Variants in SWT1 observed in about 807,000 individuals in gnomAD.
SWT1 encodes transcriptional protein SWT1.
In SWT1, 33 loss-of-function variants were observed where a neutral mutation model predicts 107.3. The observed-to-expected ratio is 0.31, with a 90% confidence interval of 0.23 to 0.41. The LOEUF (loss-of-function observed/expected upper bound fraction) is 0.41. Among genes scored for constraint, SWT1 ranks in the 10% least tolerant of loss-of-function variants. The pLI, the probability that SWT1 is intolerant of heterozygous loss-of-function variation, is 1.00. For synonymous variants in SWT1, 345 were observed against 348.3 expected, an observed-to-expected ratio of 0.99 and a Z score of 0.11; for missense variants, 898 against 1,028.9, an observed-to-expected ratio of 0.87 and a Z score of 1.74.
chr1:185,183,696 A>G (rs767417120), intron 7 of SWT1, among the ~76,000 whole-genome samples: 5 of 152,180 alleles, frequency 3.3e-5, no homozygotes, highest in Non-Finnish European at 5.9e-5. Context: ...GAAGTTAGAA[A>G]CATAATTACT....
chr1:185,233,207 A>G (rs1420325285), intron 16 of SWT1, among the ~76,000 whole-genome samples: 2 of 152,020 alleles, frequency 1.3e-5, no homozygotes, highest in Non-Finnish European at 2.9e-5. Context: ...GACTATAATC[A>G]CCTGGGAGTT....
chr1:185,274,778 A>G (rs1362289952), intron 17 of SWT1, among the ~76,000 whole-genome samples: 1 of 152,198 alleles, frequency 6.6e-6, no homozygotes, highest in Non-Finnish European at 1.5e-5. Flanking sequence ...GGAAATTAAA[A>G]TTGTTCATTT....
In SWT1 at chr1:185,214,718, G is replaced by A. The variant is rs550523724; in HGVS notation, c.2121+63G>A. On this transcript the variant is annotated intron_variant, in intron 14 of 18. Coordinates refer to ENST00000367500, the MANE Select transcript of SWT1 (RefSeq NM_017673.7). Reference sequence around the variant, plus strand: ...TATACATGTTCTGAAAATGTGTTTAGCAGACAACAGTAGGTAAAGGATAAT... The same window carrying A: ...TATACATGTTCTGAAAATGTGTTTAACAGACAACAGTAGGTAAAGGATAAT... 9.0e-6 allele frequency: 12 copies of A among 1,340,210 alleles called. No homozygotes were observed. In the East Asian group the frequency reaches 2.6e-4, roughly 29 times the overall value. 83.0% of individuals were successfully genotyped at this position (1,340,210 alleles called of 1,614,324 possible).
chr1:185,204,014 A>G (rs1658101993), intron 11 of SWT1, among the ~76,000 whole-genome samples: 1 of 152,208 alleles, frequency 6.6e-6, no homozygotes, highest in Non-Finnish European at 1.5e-5. Flanking sequence ...AGAAAATTAC[A>G]GTTGTTTTCA....
intron 9 of SWT1, among the ~76,000 whole-genome samples, chr1:185,188,642 T>C (rs1431554924): frequency 6.6e-6 from 1 of 152,206 alleles, no homozygotes; most frequent in Non-Finnish European, 1.5e-5. Context: ...CGTATATAAG[T>C]ATTTATTGCA....
At chr1:185,258,510 A>C (rs6690402) in intron 16 of SWT1, among the ~76,000 whole-genome samples, 3,566 of 152,122 alleles carry the variant, frequency 0.023, 124 homozygotes, top group African/African-American at 0.081. Flanking sequence ...TAGTTCTTTC[A>C]GTGAAGATCT....
At chr1:185,277,782 C>T (rs537503625) in intron 18 of SWT1, among the ~76,000 whole-genome samples, 1 of 152,026 alleles carries the variant, frequency 6.6e-6, no homozygotes, top group Non-Finnish European at 1.5e-5. Flanking sequence ...CTTTTATTCT[C>T]TCTCAAGGGA....
chr1:185,191,863 T>TA (rs1656978350), intron 10 of SWT1, among the ~76,000 whole-genome samples: 1 of 152,192 alleles, frequency 6.6e-6, no homozygotes, highest in South Asian at 2.1e-4. Flanking sequence ...GATTAACAGA[T>TA]ATACTATTTT....
intron 15 of SWT1, among the ~76,000 whole-genome samples, chr1:185,229,115 C>T (rs1287622824): frequency 6.6e-6 from 1 of 152,030 alleles, no homozygotes; most frequent in African/African-American, 2.4e-5. Context: ...ATTGCTTTGC[C>T]TTGTTGAGAG....
chr1:185,204,218 C>T (rs559089342), intron 11 of SWT1, among the ~76,000 whole-genome samples: 8 of 151,778 alleles, frequency 5.3e-5, no homozygotes, highest in Admixed American at 6.6e-5. Context: ...GCAGAGGTTT[C>T]AGTGAGCCAA....
chr1:185,256,177 T>A (rs1446833411), intron 16 of SWT1, among the ~76,000 whole-genome samples: 7 of 151,780 alleles, frequency 4.6e-5, no homozygotes, highest in Non-Finnish European at 7.4e-5. Context: ...CTTCCCTTTG[T>A]GGGTAACCCG....
chr1:185,232,467 A>G (rs1012751758), intron 16 of SWT1, among the ~76,000 whole-genome samples: 1 of 152,222 alleles, frequency 6.6e-6, no homozygotes, highest in Non-Finnish European at 1.5e-5. Flanking sequence ...ACTGGGGACC[A>G]AAGAGAAATA....
intron 16 of SWT1, among the ~76,000 whole-genome samples, chr1:185,266,834 T>G (rs1195387505): frequency 2.6e-5 from 4 of 152,226 alleles, no homozygotes; most frequent in Non-Finnish European, 4.4e-5. Flanking sequence ...GTCAGTTCTG[T>G]TAACCAACTT....
intron 5 of SWT1, among the ~76,000 whole-genome samples, chr1:185,177,528 G>A (rs1247173257): frequency 2.0e-5 from 3 of 152,112 alleles, no homozygotes; most frequent in Non-Finnish European, 4.4e-5. Context: ...CACAGAAACA[G>A]CAAGTAAATA....
At chr1:185,202,131 C>G (rs1174303005) in intron 10 of SWT1, among the ~76,000 whole-genome samples, 1 of 152,082 alleles carries the variant, frequency 6.6e-6, no homozygotes, top group Non-Finnish European at 1.5e-5. Flanking sequence ...CCTTGTCGTT[C>G]TCTATAACCT....
At chr1:185,238,612 A>G (rs1661056395) in intron 16 of SWT1, among the ~76,000 whole-genome samples, 1 of 152,282 alleles carries the variant, frequency 6.6e-6, no homozygotes, top group South Asian at 2.1e-4. Context: ...GTAATGTTAC[A>G]TTAGAGAATG....
chr1:185,160,748 A>T (rs756811447), intron 1 of SWT1, 85 bp from the exon 2 acceptor site: 8 of 943,924 alleles, frequency 8.5e-6, no homozygotes, highest in African/African-American at 1.7e-5. Flanking sequence ...GTAAAACTCC[A>T]ATCTTTATAT....
At chr1:185,211,899 C>T (rs1223756036) in intron 13 of SWT1, among the ~76,000 whole-genome samples, 1 of 152,136 alleles carries the variant, frequency 6.6e-6, no homozygotes, top group Non-Finnish European at 1.5e-5. Context: ...AGTTCATGTC[C>T]TTTGTAGGGA....
chr1:185,213,666 G>A (rs1658999502), intron 13 of SWT1, among the ~76,000 whole-genome samples: 1 of 152,068 alleles, frequency 6.6e-6, no homozygotes, highest in Non-Finnish European at 1.5e-5. Context: ...GTAAACAACA[G>A]TATAGCATGG....
Sources: gnomAD v4.1 joint callset for allele counts (sites outside exome capture counted in the v4.1 genomes callset) on GRCh38, gnomAD v4.1.1 for gene constraint, MANE v1.5 for transcripts, NCBI Gene and HGNC (gene_info 2026-07-23, HGNC 2026-07-21) for gene names.